PDE1C: variants seen among roughly 807,000 people sequenced by gnomAD.
PDE1C encodes dual specificity calcium/calmodulin-dependent 3',5'-cyclic nucleotide phosphodiesterase 1C.
A neutral mutation model predicts 93.1 loss-of-function variants in PDE1C; 62 were observed. That is an observed-to-expected ratio of 0.67 (90% CI 0.54 to 0.82). The LOEUF (loss-of-function observed/expected upper bound fraction) is 0.82. Among genes scored for constraint, PDE1C ranks in the 40% least tolerant of loss-of-function variants. The probability of loss-of-function intolerance (pLI) is 0.00; values close to 1 mark genes in which losing one functional copy is unlikely to be tolerated. For missense variants in PDE1C, 742 were observed against 884.6 expected, an observed-to-expected ratio of 0.84 and a Z score of 2.04; for synonymous variants, 325 against 310.1, an observed-to-expected ratio of 1.05 and a Z score of -0.50.
intron 13 of PDE1C, among the ~76,000 whole-genome samples, chr7:31,824,116 C>T (rs2128740700): frequency 1.3e-5 from 2 of 152,198 alleles, no homozygotes; most frequent in South Asian, 4.2e-4. Flanking sequence ...TCTTCTTTTC[C>T]TATTCATTCC....
intron 3 of PDE1C, among the ~76,000 whole-genome samples, chr7:32,076,655 A>AG (rs1236378888): frequency 7.7e-6 from 1 of 129,728 alleles, no homozygotes; most frequent in East Asian, 1.9e-4. Flanking sequence ...AAAAAAAAAA[A>AG]AAGAAAAAAA....
Position 31,753,432 on chromosome 7 carries a change from G to A in PDE1C, c.2082C>T (p.Ile694=). 1 of 1,611,728 alleles carries A rather than the reference G, an allele frequency of 6.2e-7. No homozygotes were observed. Among genetic ancestry groups the A allele is most frequent in the African/African-American group, 1.3e-5 (1 of 74,904 alleles). ...AGATGTTCTGAATCTTTTTCATTTTGATCCTCTGATCCAGCATCTTGTACC... is the reference window on the plus strand; with the variant it reads ...AGATGTTCTGAATCTTTTTCATTTTAATCCTCTGATCCAGCATCTTGTACC... The part of the protein sequence containing the change: ...PARYKMLDQR[I]KMKKIQNISH... The change falls in exon 18 of 18, where the codon ATC becomes ATT. Residue 694 remains isoleucine (I), a synonymous_variant. Coordinates refer to ENST00000396191, the MANE Select transcript of PDE1C (RefSeq NM_001191057.4).
At chr7:32,322,217 T>G (rs2128073834) in intron 1 of PDE1C, among the ~76,000 whole-genome samples, 1 of 152,346 alleles carries the variant, frequency 6.6e-6, no homozygotes, top group South Asian at 2.1e-4. Context: ...TGAACACAGA[T>G]AGCCTGGCTC....
chr7:32,248,491 T>C (rs1255790888), intron 1 of PDE1C, among the ~76,000 whole-genome samples: 2 of 152,282 alleles, frequency 1.3e-5, no homozygotes, highest in African/African-American at 2.4e-5. Context: ...CTTGATTCAG[T>C]CCCAGAAGGG....
At chr7:31,676,429 T>C in the PDE1C span, among the ~76,000 whole-genome samples, 1 of 151,240 alleles carries the variant, frequency 6.6e-6, no homozygotes, top group Non-Finnish European at 1.5e-5. Context: ...TTTTTAAAAC[T>C]ACACACACAC....
At chr7:32,307,716 C>T (rs1813046724) in intron 1 of PDE1C, among the ~76,000 whole-genome samples, 1 of 152,180 alleles carries the variant, frequency 6.6e-6, no homozygotes, top group African/African-American at 2.4e-5. Flanking sequence ...GAGCCTACCA[C>T]TGTGATGTAA....
At position 31,775,773 on chromosome 7, in the gene PDE1C, G is replaced by A. The variant is rs758619034; in HGVS notation, c.1892-41C>T. The A allele has an allele frequency of 1.1e-5, 17 of 1,517,016 alleles. 1 individual carries two copies. In the South Asian group the frequency reaches 1.9e-4, roughly 17 times the overall value. 94.0% of individuals were successfully genotyped at this position (1,517,016 alleles called of 1,614,324 possible). ...AGAGGATAAGGAAAAGTAGGATTGTGGAAAAACCTGTTGGACAAGTAAATG... is the reference window on the plus strand; with the variant it reads ...AGAGGATAAGGAAAAGTAGGATTGTAGAAAAACCTGTTGGACAAGTAAATG... On this transcript the variant is annotated intron_variant, in intron 16 of 17. Coordinates refer to ENST00000396191, the MANE Select transcript of PDE1C (RefSeq NM_001191057.4).
At chr7:32,252,170 CTAATA>C (rs1341407786) in intron 1 of PDE1C, among the ~76,000 whole-genome samples, 1 of 152,186 alleles carries the variant, frequency 6.6e-6, no homozygotes, top group African/African-American at 2.4e-5. Flanking sequence ...CAACTCCTCC[CTAATA>C]TAAGTATATA....
At chr7:32,083,669 A>G (rs1796864025) in intron 3 of PDE1C, among the ~76,000 whole-genome samples, 1 of 152,246 alleles carries the variant, frequency 6.6e-6, no homozygotes, top group Admixed American at 6.5e-5. Context: ...GAATCTCTAC[A>G]AGCCAGAAGA....
chr7:32,403,474 T>G (rs1784991414), intron 1 of PDE1C, among the ~76,000 whole-genome samples: 1 of 152,100 alleles, frequency 6.6e-6, no homozygotes, highest in Admixed American at 6.6e-5. Context: ...GCGGGCAGGG[T>G]GTATGTTAAG....
chr7:32,310,775 C>G (rs1385211960), intron 1 of PDE1C, among the ~76,000 whole-genome samples: 1 of 151,750 alleles, frequency 6.6e-6, no homozygotes, highest in Non-Finnish European at 1.5e-5. Flanking sequence ...AAATTTATAG[C>G]ACTAAATGCC....
At chr7:32,263,842 G>T (rs1212528454) in intron 1 of PDE1C, among the ~76,000 whole-genome samples, 1 of 152,106 alleles carries the variant, frequency 6.6e-6, no homozygotes, top group Admixed American at 6.5e-5. Flanking sequence ...TGTATTCTCA[G>T]CCAGAACTCA....
At chr7:31,696,174 G>A in the PDE1C span, 1 of 152,398 alleles carries the variant, frequency 6.6e-6, no homozygotes, top group Admixed American at 6.5e-5. Flanking sequence ...TGGATGTGAT[G>A]CATGACATTC....
chr7:31,709,857 A>G, the PDE1C span, among the ~76,000 whole-genome samples: 2 of 152,240 alleles, frequency 1.3e-5, no homozygotes, highest in Non-Finnish European at 2.9e-5. Context: ...AGTTATATTA[A>G]GAAATTAAGG....
chr7:31,750,337 TG>T (rs1794095729), downstream of PDE1C, among the ~76,000 whole-genome samples: 1 of 151,808 alleles, frequency 6.6e-6, no homozygotes, highest in South Asian at 2.1e-4. Context: ...TTGTTGGAGG[TG>T]GGGATGTCAG....
At chr7:31,916,212 A>G (rs1801894844) in intron 2 of PDE1C, among the ~76,000 whole-genome samples, 2 of 152,148 alleles carry the variant, frequency 1.3e-5, no homozygotes, top group Non-Finnish European at 1.5e-5. Context: ...TACTATTACT[A>G]TTGACTTCCT....
At chr7:32,019,248 G>A (rs1788332705) in intron 2 of PDE1C, among the ~76,000 whole-genome samples, 1 of 151,930 alleles carries the variant, frequency 6.6e-6, no homozygotes. Context: ...GCAGCAATGT[G>A]TAAGTAAAGA....
intron 2 of PDE1C, among the ~76,000 whole-genome samples, chr7:31,961,629 C>CTA (rs1438980592): frequency 6.6e-6 from 1 of 152,080 alleles, no homozygotes; most frequent in Non-Finnish European, 1.5e-5. Flanking sequence ...AGTTGCCTGT[C>CTA]TATAGTTCCA....
At chr7:31,790,376 A>G in intron 16 of PDE1C, 1 of 793,218 alleles carries the variant, frequency 1.3e-6, no homozygotes, top group Non-Finnish European at 2.1e-6. Flanking sequence ...GGGATAACCA[A>G]TTAAACATTT....
Sources: gnomAD v4.1 joint callset for allele counts (sites outside exome capture counted in the v4.1 genomes callset) on GRCh38, gnomAD v4.1.1 for gene constraint, MANE v1.5 for transcripts, NCBI Gene and HGNC (gene_info 2026-07-23, HGNC 2026-07-21) for gene names.